DMD: variants seen among roughly 807,000 people sequenced by gnomAD.
DMD encodes mutant dystrophin.
In DMD, 63 loss-of-function variants were observed where a neutral mutation model predicts 330.1. That is an observed-to-expected ratio of 0.19 (90% CI 0.16 to 0.24). The LOEUF (loss-of-function observed/expected upper bound fraction) is 0.24, where lower values mean the gene tolerates loss of function less well. Among genes scored for constraint, DMD ranks in the 10% least tolerant of loss-of-function variants. DMD has a pLI of 1.00. For synonymous variants in DMD, 1,223 were observed against 959.8 expected (o/e 1.27, Z -5.07); for missense variants, 3,344 against 2,684.1 (o/e 1.25, Z -5.43).
In DMD at chrX:31,134,138, T is replaced by A. The variant is rs746893659; in HGVS notation, c.10978A>T (p.Met3660Leu). ...QDTSTGLEEV[M>L]EQLNNSFPSS... ...GGGAAGGAGTTGTTGAGTTGCTCCA[T>A]CACCTCCTCTAACCCTGTGCTTGTG... The change falls in exon 77 of 79, where the codon ATG becomes TTG. Residue 3660 changes from methionine to leucine, a missense_variant. Met to Leu is a conservative substitution (Grantham distance 15). Transcript: ENST00000357033. 8.3e-7 allele frequency: 1 copy of A among 1,211,278 alleles called. No individual in the cohort carries two copies. Among genetic ancestry groups the A allele is most frequent in the South Asian group, 1.8e-5 (1 of 56,902 alleles).
intron 11 of DMD, among the ~76,000 whole-genome samples, chrX:32,615,287 T>C (rs2057476034): frequency 2.7e-5 from 3 of 111,442 alleles, no homozygotes; most frequent in South Asian, 7.5e-4. Flanking sequence ...TAGAAAATAG[T>C]GGGCTGGGTA....
At chrX:32,979,022 G>C (rs929315613) in intron 2 of DMD, among the ~76,000 whole-genome samples, 3 of 112,085 alleles carry the variant, frequency 2.7e-5, no homozygotes, top group Non-Finnish European at 5.6e-5. Flanking sequence ...AGGCAAATGT[G>C]ACTGAGCTAA....
intron 12 of DMD, among the ~76,000 whole-genome samples, chrX:32,605,284 A>T (rs927491215): frequency 9.0e-6 from 1 of 110,699 alleles, no homozygotes; most frequent in Non-Finnish European, 1.9e-5. Flanking sequence ...CAAAGTAAAA[A>T]AATGTATATA....
At chrX:32,622,055 C>A (rs1244778830) in intron 11 of DMD, among the ~76,000 whole-genome samples, 1 of 111,089 alleles carries the variant, frequency 9.0e-6, no homozygotes, top group Admixed American at 9.6e-5. Flanking sequence ...CTGCAGAGAC[C>A]AAGATATTAA....
At chrX:31,254,298 T>C (rs1051062338) in intron 63 of DMD, among the ~76,000 whole-genome samples, 1 of 110,057 alleles carries the variant, frequency 9.1e-6, no homozygotes, top group Admixed American at 9.7e-5. Context: ...AAAGGAACCA[T>C]TGGGGAACCA....
chrX:33,153,451 C>T (rs1238110631), intron 1 of DMD, among the ~76,000 whole-genome samples: 1 of 112,529 alleles, frequency 8.9e-6, no homozygotes, highest in Non-Finnish European at 1.9e-5. Flanking sequence ...AACTGTATTT[C>T]CCACAAGAGA....
At chrX:32,127,953 T>A (rs967738966) in intron 44 of DMD, among the ~76,000 whole-genome samples, 1 of 112,384 alleles carries the variant, frequency 8.9e-6, no homozygotes, top group African/African-American at 3.2e-5. Context: ...TGCTCAAGAA[T>A]GCCAGTTATG....
intron 55 of DMD, among the ~76,000 whole-genome samples, chrX:31,583,195 G>A (rs1424824012): frequency 1.8e-5 from 2 of 112,006 alleles, no homozygotes; most frequent in African/African-American, 6.5e-5. Flanking sequence ...ATGTAGAATG[G>A]CCAAGAGGGG....
At chrX:33,009,432 G>C (rs1273189057) in intron 2 of DMD, among the ~76,000 whole-genome samples, 1 of 30,240 alleles carries the variant, frequency 3.3e-5, no homozygotes, top group Non-Finnish European at 6.5e-5. Context: ...GTATATGTAT[G>C]TGTATACACA....
At chrX:32,884,802 A>C (rs1224782181) in intron 2 of DMD, among the ~76,000 whole-genome samples, 2 of 112,233 alleles carry the variant, frequency 1.8e-5, no homozygotes, top group African/African-American at 6.5e-5. Flanking sequence ...AGTACAGACA[A>C]GTGTGGAAAT....
intron 57 of DMD, among the ~76,000 whole-genome samples, chrX:31,483,108 G>A (rs553657900): frequency 7.1e-4 from 71 of 99,725 alleles, no homozygotes; most frequent in African/African-American, 2.3e-3. Context: ...GTGCAGTGGC[G>A]CAATCTCGGC....
chrX:33,258,855 G>A (rs1052570848), intron 1 of DMD, among the ~76,000 whole-genome samples: 1 of 111,254 alleles, frequency 9.0e-6, no homozygotes, highest in Non-Finnish European at 1.9e-5. Context: ...GAGCAGGACT[G>A]TCTAGACTTT....
intron 48 of DMD, among the ~76,000 whole-genome samples, chrX:31,847,268 G>C (rs1465587051): frequency 9.0e-6 from 1 of 111,715 alleles, no homozygotes; most frequent in Non-Finnish European, 1.9e-5. Flanking sequence ...TAGAAACAGA[G>C]CAATGGGTGA....
At chrX:32,765,763 T>C (rs771460066) in intron 7 of DMD, among the ~76,000 whole-genome samples, 1 of 111,957 alleles carries the variant, frequency 8.9e-6, no homozygotes, top group Non-Finnish European at 1.9e-5. Flanking sequence ...TAGTGTCATA[T>C]CCAAGATATT....
At chrX:31,638,688 G>C (rs1368963433) in intron 54 of DMD, among the ~76,000 whole-genome samples, 1 of 112,400 alleles carries the variant, frequency 8.9e-6, no homozygotes, top group Non-Finnish European at 1.9e-5. Context: ...AGACAATAGG[G>C]ATTTATCCCT....
chrX:32,637,566 CGCT>C (rs2059184984), intron 11 of DMD, among the ~76,000 whole-genome samples: 1 of 111,468 alleles, frequency 9.0e-6, no homozygotes, highest in African/African-American at 3.3e-5. Context: ...TCTGTTCTCA[CGCT>C]GCTAATTAAA....
chrX:32,113,947 A>G (rs1163954159), intron 44 of DMD, among the ~76,000 whole-genome samples: 3 of 78,787 alleles, frequency 3.8e-5, no homozygotes. Flanking sequence ...TGTTTCTAAT[A>G]TTTTCTTGTT....
At chrX:32,711,695 C>A (rs1272443061) in intron 7 of DMD, among the ~76,000 whole-genome samples, 1 of 112,022 alleles carries the variant, frequency 8.9e-6, no homozygotes, top group African/African-American at 3.2e-5. Flanking sequence ...CATATCTCTA[C>A]AGCACCACAG....
At chrX:33,149,189 A>G (rs1051550224) in intron 1 of DMD, among the ~76,000 whole-genome samples, 1 of 107,760 alleles carries the variant, frequency 9.3e-6, no homozygotes, top group Admixed American at 1.0e-4. Context: ...GGGAGCCCTG[A>G]GCTTTCTTTC....
Sources: gnomAD v4.1 joint callset for allele counts (sites outside exome capture counted in the v4.1 genomes callset) on GRCh38, gnomAD v4.1.1 for gene constraint, MANE v1.5 for transcripts, NCBI Gene and HGNC (gene_info 2026-07-23, HGNC 2026-07-21) for gene names.